ZNF583: variants seen among roughly 807,000 people sequenced by gnomAD.
ZNF583 encodes zinc finger protein L3-5.
Under a neutral mutation model 55.3 loss-of-function variants are expected in ZNF583, and 30 were observed. The observed-to-expected ratio is 0.54, with a 90% CI of 0.41 to 0.74. The LOEUF (loss-of-function observed/expected upper bound fraction) is 0.74. Ranked by LOEUF, ZNF583 falls within the 30% of genes least tolerant of loss-of-function variation. The pLI, the probability that ZNF583 is intolerant of heterozygous loss-of-function variation, is 0.00. For synonymous variants in ZNF583, 208 were observed against 220.0 expected, an observed-to-expected ratio of 0.95 and a Z score of 0.48; for missense variants, 504 against 664.7, an observed-to-expected ratio of 0.76 and a Z score of 2.66.
At position 56,426,782 on chromosome 19, in the gene ZNF583, A is replaced by G. The variant is rs2042494796; in HGVS notation, c.*2414A>G. On this transcript the variant is annotated 3_prime_UTR_variant, in exon 5 of 5. Transcript: ENST00000333201. ...AAAAGAGATACTATGCACTAATTTA[A>G]AAGAGCATGAGTTTGTACAAACTCT... is the stretch of plus-strand genomic sequence containing the variant. 6.6e-6 allele frequency: 1 copy of G among 152,204 alleles called. No individual in the cohort carries two copies. The highest frequency in any genetic ancestry group is 6.5e-5 in the Admixed American group (1 of 15,286). The allele number at this position is 152,204 out of a possible 1,614,324, so 9.4% of individuals were successfully genotyped here.
At chr19:56,413,175 T>C (rs578120878) in intron 2 of ZNF583, among the ~76,000 whole-genome samples, 1 of 152,330 alleles carries the variant, frequency 6.6e-6, no homozygotes, top group East Asian at 1.9e-4. Flanking sequence ...TAGGTTGTCA[T>C]TGTGAAATGT....
Position 56,406,587 on chromosome 19 carries a change from T to C in ZNF583, c.-89-439T>C, listed in dbSNP as rs534420652. ...TCGCTCTGTGGCCCAGACTGGAGTG[T>C]GGTGGCGCGATCTTGGCTCACTGCA... is the stretch of plus-strand genomic sequence containing the variant. On this transcript the variant is annotated intron_variant, in intron 1 of 4. Coordinates refer to ENST00000333201, the MANE Select transcript of ZNF583 (RefSeq NM_152478.3). Among the ~76,000 whole-genome samples the C allele has an allele frequency of 4.0e-4, 58 of 145,006 alleles. 1 individual carries two copies. The South Asian group carries it at 0.01, about 26-fold the overall frequency.
At position 56,414,078 on chromosome 19, in the gene ZNF583, A is replaced by G; in HGVS notation, c.129A>G (p.Val43=). ...TGTTGGAGAACTACAGGAGCTTGGT[A>G]TCATTGGGTAAGGACATGTCCCCTT... ...KVMLENYRSL[V]SLGVSVSKPD... is the part of the protein sequence containing the mutation. Residue 43 remains valine, a synonymous_variant, in exon 3 of 5, where the codon GTA becomes GTG. Coordinates refer to ENST00000333201, the MANE Select transcript of ZNF583 (RefSeq NM_152478.3). 1 of 1,592,802 alleles carries G rather than the reference A, an allele frequency of 6.3e-7. No individual in the cohort carries two copies. The highest frequency in any genetic ancestry group is 8.5e-7 in the Non-Finnish European group (1 of 1,171,020).
intron 2 of ZNF583, 136 bp downstream of exon 2, chr19:56,407,259 T>C (rs1394913339): frequency 9.8e-7 from 1 of 1,017,470 alleles, no homozygotes; most frequent in Non-Finnish European, 1.5e-6. Context: ...CATATCTTGC[T>C]TTCCAGTAAA....
rs534658257 is a variant in ZNF583, at chr19:56,423,257, T to G, written c.599T>G (p.Met200Arg). 3 of 1,610,704 alleles carry G rather than the reference T, an allele frequency of 1.9e-6. No homozygotes were observed. In the East Asian group the frequency reaches 6.7e-5, roughly 36 times the overall value. ...KKSYRKKSVE[M>R]KHRKVYVEKK... ...AGTTACCGAAAAAAATCTGTTGAAA[T>G]GAAACATAGGAAAGTCTATGTAGAA... The change falls in exon 5 of 5, where the codon ATG becomes AGG. Residue 200 changes from methionine (M) to arginine (R), a missense_variant. Transcript: ENST00000333201.
At chr19:56,408,223 A>G (rs2147555068) in intron 2 of ZNF583, among the ~76,000 whole-genome samples, 1 of 152,298 alleles carries the variant, frequency 6.6e-6, no homozygotes, top group African/African-American at 2.4e-5. Flanking sequence ...ATATATATAT[A>G]TACACACACA....
chr19:56,408,914 A>G (rs759371366), intron 2 of ZNF583, among the ~76,000 whole-genome samples: 1 of 152,098 alleles, frequency 6.6e-6, no homozygotes, highest in Non-Finnish European at 1.5e-5. Flanking sequence ...TTTTAATCAC[A>G]GTTGTGAATT....
intron 4 of ZNF583, chr19:56,414,723 T>G (rs2042291634): frequency 1.5e-5 from 4 of 265,284 alleles, no homozygotes; most frequent in Non-Finnish European, 2.8e-5. Context: ...TGCCTTTTAG[T>G]TTTATACAAG....
intron 2 of ZNF583, 93 bp from the exon 3 acceptor site, chr19:56,413,866 T>C: frequency 6.4e-7 from 1 of 1,564,166 alleles, no homozygotes; most frequent in South Asian, 1.2e-5. Context: ...TGCAATATTT[T>C]TCTCTAAAAG....
rs981607614 is a variant in ZNF583 at position 56,427,054 on chromosome 19, C to T, written c.*2686C>T. The T allele has an allele frequency of 1.3e-5, 2 of 151,344 alleles. No individual in the cohort carries two copies. The highest frequency in any genetic ancestry group is 4.9e-5 in the African/African-American group (2 of 41,134). 9.4% of individuals were successfully genotyped at this position (151,344 alleles called of 1,614,324 possible). ...ATGCTGCATGTTATATGCGAATGAC[C>T]GAAGGGTTTTAAAAATGGAATCTAG... On this transcript the variant is annotated 3_prime_UTR_variant, in exon 5 of 5. Coordinates refer to ENST00000333201, the MANE Select transcript of ZNF583 (RefSeq NM_152478.3).
intron 1 of ZNF583, among the ~76,000 whole-genome samples, chr19:56,406,598 T>C (rs1446086375): frequency 6.8e-6 from 1 of 146,590 alleles, no homozygotes; most frequent in East Asian, 2.1e-4. Flanking sequence ...GGTGGCGCGA[T>C]CTTGGCTCAC....
rs374625339 is a variant in ZNF583, at chr19:56,426,531, T to A, written c.*2163T>A. ...AATGGGAGAAAATTATTGCAGCACA[T>A]ATAAACTATGGAATTCATATCCTTA... On this transcript the variant is annotated 3_prime_UTR_variant, in exon 5 of 5. Coordinates refer to ENST00000333201, the MANE Select transcript of ZNF583 (RefSeq NM_152478.3). 24 of 152,276 alleles carry A rather than the reference T, an allele frequency of 1.6e-4. No individual in the cohort carries two copies. In the East Asian group the frequency reaches 4.4e-3, roughly 28 times the overall value. 9.4% of individuals were successfully genotyped at this position (152,276 alleles called of 1,614,324 possible).
rs1165385983 is a variant in ZNF583, at chr19:56,414,370, G to A, written c.162G>A (p.Val54=). Residue 54 remains valine, a synonymous_variant, in exon 4 of 5, where the codon GTG becomes GTA. Transcript: ENST00000333201. ...GAGTTTCTGTTTCTAAGCCAGATGTGATCTCATTATTGGAGCAAGGAAAAG... is the reference window on the plus strand; with the variant it reads ...GAGTTTCTGTTTCTAAGCCAGATGTAATCTCATTATTGGAGCAAGGAAAAG... ...SLGVSVSKPD[V]ISLLEQGKEP... 5.6e-6 allele frequency: 9 copies of A among 1,614,046 alleles called. No individual in the cohort carries two copies. Among genetic ancestry groups the A allele is most frequent in the Non-Finnish European group, 7.6e-6 (9 of 1,180,012 alleles).
Position 56,424,061 on chromosome 19 carries a change from A to C in ZNF583, c.1403A>C (p.Glu468Ala). Residue 468 changes from glutamate (E) to alanine (A), a missense_variant, in exon 5 of 5, where the codon GAA becomes GCA. By Grantham distance (107) the Glu-to-Ala change is moderately radical. Transcript: ENST00000333201. Reference protein sequence around the residue: ...HTGEKPYMCKECRKTFSQNAG... With the variant: ...HTGEKPYMCKACRKTFSQNAG... ...GGAGAAAAACCCTATATGTGTAAGG[A>C]ATGTAGGAAAACATTTAGCCAGAAT... 1 of 1,614,078 alleles carries C rather than the reference A, an allele frequency of 6.2e-7. No individual in the cohort carries two copies. Among genetic ancestry groups the C allele is most frequent in the East Asian group, 2.2e-5 (1 of 44,862 alleles).
chr19:56,424,524 T>G lies in ZNF583; in HGVS notation c.*156T>G. 2 of 529,360 alleles carry G rather than the reference T, an allele frequency of 3.8e-6. No homozygotes were observed. Among genetic ancestry groups the G allele is most frequent in the Non-Finnish European group, 6.7e-6 (2 of 299,884 alleles). The allele number at this position is 529,360 out of a possible 1,614,324, so 32.8% of individuals were successfully genotyped here. On this transcript the variant is annotated 3_prime_UTR_variant, in exon 5 of 5. Coordinates refer to ENST00000333201, the MANE Select transcript of ZNF583 (RefSeq NM_152478.3). ...CAGATGTCCACATTGCAACCAAATTTGTATTTTTAAAAATATGTTTAATCT... is the reference window on the plus strand; with the variant it reads ...CAGATGTCCACATTGCAACCAAATTGGTATTTTTAAAAATATGTTTAATCT...
chr19:56,410,059 G>A (rs966357228), intron 2 of ZNF583, among the ~76,000 whole-genome samples: 2 of 151,956 alleles, frequency 1.3e-5, no homozygotes, highest in Non-Finnish European at 2.9e-5. Flanking sequence ...GATGCCTATG[G>A]TGATTTAACT....
intron 4 of ZNF583, among the ~76,000 whole-genome samples, chr19:56,418,586 G>A (rs1333601662): frequency 2.6e-5 from 4 of 152,112 alleles, no homozygotes; most frequent in Admixed American, 6.5e-5. Context: ...AGGCAGAAAT[G>A]TAAATTGATT....
intron 2 of ZNF583, 67 bp from the exon 3 acceptor site, chr19:56,413,892 T>C: frequency 6.3e-7 from 1 of 1,599,942 alleles, no homozygotes; most frequent in Non-Finnish European, 8.5e-7. Flanking sequence ...ACAATTTAAC[T>C]TTTTAACTTA....
chr19:56,418,005 A>G (rs1470116326), intron 4 of ZNF583, among the ~76,000 whole-genome samples: 3 of 152,076 alleles, frequency 2.0e-5, no homozygotes, highest in East Asian at 1.9e-4. Context: ...CCATTGATCT[A>G]TATGTCTATT....
Sources: allele counts gnomAD v4.1 joint callset (sites outside exome capture counted in the v4.1 genomes callset), GRCh38; gene constraint gnomAD v4.1.1; transcripts MANE v1.5; gene names NCBI Gene and HGNC (gene_info 2026-07-23, HGNC 2026-07-21).